Variants in GRM8 observed in about 807,000 individuals in gnomAD.
GRM8 encodes metabotropic glutamate receptor 8.
In GRM8, 47 loss-of-function variants were observed where a neutral mutation model predicts 87.2. The observed-to-expected ratio is 0.54, with a 90% CI of 0.43 to 0.69. GRM8 has a LOEUF of 0.69. Among genes scored for constraint, GRM8 ranks in the 30% least tolerant of loss-of-function variants. The pLI is 0.00. For synonymous variants in GRM8, 396 were observed against 404.5 expected, an observed-to-expected ratio of 0.98 and a Z score of 0.25; for missense variants, 1,019 against 1,139.2, an observed-to-expected ratio of 0.89 and a Z score of 1.52.
At position 127,220,696 on chromosome 7, in the gene GRM8, C is replaced by G. The variant is rs190389380; in HGVS notation, c.510+21999G>C. Among the ~76,000 whole-genome samples the G allele has an allele frequency of 5.5e-3, 840 of 152,146 alleles. 11 individuals are homozygous for G. The highest frequency in any genetic ancestry group is 0.019 in the African/African-American group (785 of 41,508). On this transcript the variant is annotated intron_variant, in intron 2 of 10. Transcript: ENST00000339582. ...TAGAAACAATGTCTCAGTATGTTGC[C>G]CAGGCTGGTCTCAAACTCCTGGGCT... is the stretch of plus-strand genomic sequence containing the variant.
Position 126,533,768 on chromosome 7 carries a change from A to C in GRM8, c.1614T>G (p.Cys538Trp). 2 of 1,614,090 alleles carry C rather than the reference A, an allele frequency of 1.2e-6. No individual in the cohort carries two copies. Among genetic ancestry groups the C allele is most frequent in the Non-Finnish European group, 1.7e-6 (2 of 1,179,966 alleles). ...GGTAGTTGTAACCTTCACAGCGTTC[A>C]CAGTGCCAGCAGCAAGGGACCCCTT... Reference protein sequence around the residue: ...TVKGVPCCWHCERCEGYNYQV... With the variant: ...TVKGVPCCWHWERCEGYNYQV... Residue 538 changes from cysteine to tryptophan, a missense_variant, in exon 9 of 11, where the codon TGT becomes TGG. Coordinates refer to ENST00000339582, the MANE Select transcript of GRM8 (RefSeq NM_000845.3).
Position 127,040,885 on chromosome 7 carries a change from A to G in GRM8, c.727+65611T>C, listed in dbSNP as rs183722621. 3.1e-3 allele frequency among the ~76,000 whole-genome samples: 476 copies of G among 152,310 alleles called. 1 individual carries two copies. The highest frequency in any genetic ancestry group is 5.1e-3 in the Non-Finnish European group (350 of 68,028). Reference sequence around the variant, plus strand: ...ATGAGGAAGAGAATGGGAAAAACAAACAGTACATGAATAGAAAAATGTGCT... The same window carrying G: ...ATGAGGAAGAGAATGGGAAAAACAAGCAGTACATGAATAGAAAAATGTGCT... On this transcript the variant is annotated intron_variant, in intron 3 of 10. Transcript: ENST00000339582.
At chr7:126,851,464 A>G (rs1284054194) in intron 6 of GRM8, among the ~76,000 whole-genome samples, 1 of 152,194 alleles carries the variant, frequency 6.6e-6, no homozygotes, top group Non-Finnish European at 1.5e-5. Flanking sequence ...ATCTCAAAGT[A>G]AGAGAGCCAA....
At chr7:127,058,580 C>T (rs956006475) in intron 3 of GRM8, among the ~76,000 whole-genome samples, 2 of 152,122 alleles carry the variant, frequency 1.3e-5, no homozygotes, top group African/African-American at 4.8e-5. Context: ...CCCTCAATGT[C>T]CACCTTCCTC....
intron 3 of GRM8, among the ~76,000 whole-genome samples, chr7:126,946,974 ATT>A (rs1173549493): frequency 1.3e-5 from 2 of 152,162 alleles, no homozygotes; most frequent in South Asian, 2.1e-4. Context: ...CTTGCTCTAT[ATT>A]GCCCACACAC....
At chr7:126,492,985 A>G (rs1808216071) in intron 9 of GRM8, among the ~76,000 whole-genome samples, 2 of 152,076 alleles carry the variant, frequency 1.3e-5, no homozygotes, top group African/African-American at 4.8e-5. Flanking sequence ...TGCGAAGGGA[A>G]GAAAGCATTG....
Position 126,567,325 on chromosome 7 carries a change from G to A in GRM8, c.1495-33438C>T, listed in dbSNP as rs557013907. ...CACAAGGACAAAAAAACCAAACACC[G>A]CATTTTCTCACTCATAGGTGGGAAT... On this transcript the variant is annotated intron_variant, in intron 8 of 10. Transcript: ENST00000339582. Among the ~76,000 whole-genome samples the A allele has an allele frequency of 1.3e-4, 19 of 149,374 alleles. No homozygotes were observed. In the South Asian group the frequency reaches 3.8e-3, roughly 30 times the overall value.
At chr7:127,146,718 G>A (rs902649445) in intron 2 of GRM8, among the ~76,000 whole-genome samples, 7 of 151,962 alleles carry the variant, frequency 4.6e-5, no homozygotes, top group Non-Finnish European at 1.0e-4. Flanking sequence ...ACACAGCTAA[G>A]GCTACTAATC....
chr7:126,523,497 A>ATTT (rs1562916908), intron 9 of GRM8, among the ~76,000 whole-genome samples: 2 of 149,360 alleles, frequency 1.3e-5, no homozygotes, highest in African/African-American at 5.0e-5. Flanking sequence ...CAGACCTCTC[A>ATTT]ATTTTTTTTT....
intron 3 of GRM8, among the ~76,000 whole-genome samples, chr7:127,002,680 T>TCA (rs1444838604): frequency 6.6e-6 from 1 of 151,720 alleles, no homozygotes; most frequent in African/African-American, 2.4e-5. Context: ...CCACTAATAC[T>TCA]CAGTCTTCCA....
At chr7:126,821,456 A>G (rs1462464683) in intron 6 of GRM8, among the ~76,000 whole-genome samples, 3 of 152,196 alleles carry the variant, frequency 2.0e-5, no homozygotes, top group Non-Finnish European at 4.4e-5. Context: ...ACAACATTCC[A>G]TCCATAGTAT....
chr7:126,872,400 G>C (rs1298547155), intron 6 of GRM8, among the ~76,000 whole-genome samples: 3 of 152,022 alleles, frequency 2.0e-5, no homozygotes, highest in Admixed American at 2.0e-4. Context: ...GTCTTACCCA[G>C]AGGCCACTTC....
intron 3 of GRM8, among the ~76,000 whole-genome samples, chr7:127,055,624 T>C (rs969308978): frequency 2.6e-5 from 4 of 152,084 alleles, no homozygotes; most frequent in Admixed American, 1.3e-4. Flanking sequence ...CAGCAAGATA[T>C]GGTGTGAAGT....
At chr7:127,138,642 G>A (rs1828081489) in intron 2 of GRM8, among the ~76,000 whole-genome samples, 1 of 151,970 alleles carries the variant, frequency 6.6e-6, no homozygotes, top group African/African-American at 2.4e-5. Context: ...TTTGTCTCCT[G>A]GAATTTGACC....
intron 9 of GRM8, among the ~76,000 whole-genome samples, chr7:126,510,147 C>T (rs1811117312): frequency 6.6e-6 from 1 of 151,990 alleles, no homozygotes. Context: ...TATAGCTGCA[C>T]ATTTCTTTTG....
intron 3 of GRM8, among the ~76,000 whole-genome samples, chr7:126,958,230 G>A (rs1480462616): frequency 6.6e-6 from 1 of 152,120 alleles, no homozygotes; most frequent in Non-Finnish European, 1.5e-5. Context: ...AGGACCCACC[G>A]AATGGTGGGA....
intron 6 of GRM8, among the ~76,000 whole-genome samples, chr7:126,786,732 T>G (rs986983635): frequency 3.9e-5 from 6 of 152,174 alleles, no homozygotes; most frequent in African/African-American, 9.7e-5. Flanking sequence ...CTCTATATTC[T>G]TATACTCCAA....
intron 3 of GRM8, among the ~76,000 whole-genome samples, chr7:126,961,580 C>A (rs547164871): frequency 6.6e-6 from 1 of 152,278 alleles, no homozygotes; most frequent in Non-Finnish European, 1.5e-5. Context: ...GCTTAAGTGG[C>A]CTGCTGCTGG....
At chr7:127,162,011 A>G (rs1043707972) in intron 2 of GRM8, among the ~76,000 whole-genome samples, 15 of 152,206 alleles carry the variant, frequency 9.9e-5, no homozygotes, top group Non-Finnish European at 4.4e-5. Context: ...TAGAGTGAAC[A>G]CAATGGAATA....
Sources: allele counts gnomAD v4.1 joint callset (sites outside exome capture counted in the v4.1 genomes callset), GRCh38; gene constraint gnomAD v4.1.1; transcripts MANE v1.5; gene names NCBI Gene and HGNC (gene_info 2026-07-23, HGNC 2026-07-21).